The following KHDRBS2 variants were observed in gnomAD, a reference collection of about 807,000 sequenced individuals.
KHDRBS2 encodes the protein KH domain-containing, RNA-binding, signal transduction-associated protein 2.
Under a neutral mutation model 44.3 loss-of-function variants are expected in KHDRBS2, and 26 were observed. That is an observed-to-expected ratio of 0.59 (90% CI 0.43 to 0.81). The LOEUF (loss-of-function observed/expected upper bound fraction) is 0.81, where lower values mean the gene tolerates loss of function less well. KHDRBS2 is among the 40% of genes least tolerant of loss of function. The pLI is 0.00. For synonymous variants in KHDRBS2, 194 were observed against 151.1 expected, an observed-to-expected ratio of 1.28 and a Z score of -2.08; for missense variants, 476 against 433.1, an observed-to-expected ratio of 1.10 and a Z score of -0.88.
chr6:61,635,682 C>T, the KHDRBS2 span, among the ~76,000 whole-genome samples: 1 of 151,880 alleles, frequency 6.6e-6, no homozygotes, highest in Admixed American at 6.6e-5. Context: ...AATCTCAAGG[C>T]CTGGAACAGA....
the KHDRBS2 span, among the ~76,000 whole-genome samples, chr6:61,662,501 T>C: frequency 6.6e-6 from 1 of 152,178 alleles, no homozygotes; most frequent in Non-Finnish European, 1.5e-5. Context: ...TGTACTCATC[T>C]GACTAAGGGC....
chr6:61,817,299 G>A (rs561861735), intron 6 of KHDRBS2, among the ~76,000 whole-genome samples: 1 of 152,024 alleles, frequency 6.6e-6, no homozygotes, highest in Non-Finnish European at 1.5e-5. Flanking sequence ...CCACGTAGGA[G>A]CCCAGAACTA....
chr6:61,663,444 C>T, the KHDRBS2 span, among the ~76,000 whole-genome samples: 10 of 123,624 alleles, frequency 8.1e-5, no homozygotes, highest in South Asian at 1.6e-3. Context: ...AAATAAAATA[C>T]GATTGAAGAT....
chr6:61,707,505 T>A (rs761999925), intron 7 of KHDRBS2, among the ~76,000 whole-genome samples: 43 of 151,848 alleles, frequency 2.8e-4, no homozygotes, highest in Non-Finnish European at 4.6e-4. Flanking sequence ...AGGTTAAAAA[T>A]ATACATTTTC....
intron 1 of KHDRBS2, among the ~76,000 whole-genome samples, chr6:62,233,069 A>C (rs1197922454): frequency 6.6e-6 from 1 of 152,138 alleles, no homozygotes; most frequent in Non-Finnish European, 1.5e-5. Context: ...GTTGCTTGGA[A>C]AATGTCACAT....
intron 2 of KHDRBS2, among the ~76,000 whole-genome samples, chr6:62,115,420 G>A (rs1055483067): frequency 1.3e-5 from 2 of 152,118 alleles, no homozygotes; most frequent in Non-Finnish European, 2.9e-5. Context: ...ATTGACTTCA[G>A]AGAGATAAAG....
intron 6 of KHDRBS2, among the ~76,000 whole-genome samples, chr6:61,881,856 G>T (rs1800254009): frequency 6.6e-6 from 1 of 151,966 alleles, no homozygotes; most frequent in Non-Finnish European, 1.5e-5. Flanking sequence ...AAATATATTG[G>T]CTGGGGCACC....
At chr6:61,735,343 T>C (rs2127561729) in intron 6 of KHDRBS2, among the ~76,000 whole-genome samples, 1 of 152,284 alleles carries the variant, frequency 6.6e-6, no homozygotes, top group African/African-American at 2.4e-5. Context: ...TTCTATCTCC[T>C]GAGTGTAGGG....
At chr6:61,790,420 A>C (rs1411535931) in intron 6 of KHDRBS2, among the ~76,000 whole-genome samples, 2 of 151,166 alleles carry the variant, frequency 1.3e-5, no homozygotes, top group Non-Finnish European at 3.0e-5. Context: ...AAAAAAAAAA[A>C]AACAGCAGAG....
intron 8 of KHDRBS2, among the ~76,000 whole-genome samples, chr6:61,685,472 A>G (rs998693638): frequency 1.3e-5 from 2 of 151,886 alleles, no homozygotes; most frequent in African/African-American, 4.8e-5. Flanking sequence ...ACTTTTCAGA[A>G]AGGCATTATT....
At chr6:61,853,944 A>G (rs148992007) in intron 6 of KHDRBS2, among the ~76,000 whole-genome samples, 3 of 152,362 alleles carry the variant, frequency 2.0e-5, no homozygotes, top group South Asian at 2.1e-4. Flanking sequence ...AAACTGCCAC[A>G]GAATATTTTA....
At chr6:61,901,452 CAAAACG>C in intron 4 of KHDRBS2, 81 bp from the exon 5 acceptor site, 4 of 397,008 alleles carry the variant, frequency 1.0e-5, no homozygotes, top group Non-Finnish European at 1.1e-5. Flanking sequence ...AGAAACAAAA[CAAAACG>C]CAATAGGAAA....
chr6:62,267,565 T>C (rs1445959631), intron 1 of KHDRBS2, among the ~76,000 whole-genome samples: 2 of 152,034 alleles, frequency 1.3e-5, no homozygotes, highest in Non-Finnish European at 2.9e-5. Context: ...GATATAATAA[T>C]AACACATACT....
At chr6:62,018,192 C>T (rs917626548) in intron 3 of KHDRBS2, among the ~76,000 whole-genome samples, 2 of 149,292 alleles carry the variant, frequency 1.3e-5, no homozygotes, top group African/African-American at 2.5e-5. Flanking sequence ...TCAAAATATA[C>T]AAATATAAAA....
the KHDRBS2 span, among the ~76,000 whole-genome samples, chr6:61,594,441 T>C: frequency 2.0e-5 from 3 of 152,204 alleles, no homozygotes; most frequent in African/African-American, 7.2e-5. Context: ...TTGTAGTCTT[T>C]TCCATAAACT....
intron 6 of KHDRBS2, among the ~76,000 whole-genome samples, chr6:61,757,178 G>A (rs879715271): frequency 1.3e-5 from 2 of 152,002 alleles, no homozygotes; most frequent in Non-Finnish European, 2.9e-5. Flanking sequence ...TGTCAATTAG[G>A]GCAGAGTTGG....
chr6:62,014,069 T>G (rs1225001679), intron 3 of KHDRBS2, among the ~76,000 whole-genome samples: 1 of 152,182 alleles, frequency 6.6e-6, no homozygotes, highest in Non-Finnish European at 1.5e-5. Context: ...TGAATGACAC[T>G]GATTAATATT....
chr6:61,963,448 C>A (rs1426943374), intron 4 of KHDRBS2, among the ~76,000 whole-genome samples: 1 of 151,962 alleles, frequency 6.6e-6, no homozygotes, highest in Non-Finnish European at 1.5e-5. Context: ...GACTACTTGG[C>A]CAAATAAATA....
intron 3 of KHDRBS2, among the ~76,000 whole-genome samples, chr6:62,040,344 TA>T (rs1411217145): frequency 1.3e-5 from 2 of 152,024 alleles, no homozygotes; most frequent in Non-Finnish European, 2.9e-5. Flanking sequence ...ATTTTACATA[TA>T]AAGTAGTAAT....
Sources: gnomAD v4.1 joint callset for allele counts (sites outside exome capture counted in the v4.1 genomes callset) on GRCh38, gnomAD v4.1.1 for gene constraint, MANE v1.5 for transcripts, NCBI Gene and HGNC (gene_info 2026-07-23, HGNC 2026-07-21) for gene names.